NELL1: variants seen among roughly 807,000 people sequenced by gnomAD.
The protein encoded by NELL1 is protein kinase C-binding protein NELL1.
NELL1 carries 76 observed loss-of-function variants against 107.4 expected under a neutral mutation model. The observed-to-expected ratio is 0.71, with a 90% CI of 0.59 to 0.86. The LOEUF (loss-of-function observed/expected upper bound fraction) is 0.86. NELL1 is among the 40% of genes least tolerant of loss of function. The probability of loss-of-function intolerance (pLI) is 0.00; values close to 1 mark genes in which losing one functional copy is unlikely to be tolerated. For missense variants in NELL1, 1,024 were observed against 1,005.5 expected (o/e 1.02, Z -0.25); for synonymous variants, 353 against 341.2 (o/e 1.03, Z -0.38).
chr11:21,465,006 G>A (rs1853991102), intron 15 of NELL1, among the ~76,000 whole-genome samples: 2 of 152,246 alleles, frequency 1.3e-5, no homozygotes, highest in Middle Eastern at 3.4e-3. Flanking sequence ...CAGGTATGAT[G>A]TTATCTTGTA....
At chr11:20,718,237 C>G (rs1443150090) in intron 2 of NELL1, among the ~76,000 whole-genome samples, 1 of 152,152 alleles carries the variant, frequency 6.6e-6, no homozygotes. Context: ...TAGTCACAAG[C>G]CACACGTGGC....
chr11:21,245,684 C>T (rs1336684598), intron 14 of NELL1, among the ~76,000 whole-genome samples: 1 of 152,138 alleles, frequency 6.6e-6, no homozygotes, highest in Non-Finnish European at 1.5e-5. Context: ...TGTCCCAAAG[C>T]TTATCATGTA....
At chr11:20,908,877 C>T (rs979990546) in intron 5 of NELL1, among the ~76,000 whole-genome samples, 2 of 152,100 alleles carry the variant, frequency 1.3e-5, no homozygotes, top group African/African-American at 4.8e-5. Flanking sequence ...ACTTGTATGT[C>T]AGTGTTCACT....
chr11:21,544,073 A>G (rs1189627339), intron 16 of NELL1, among the ~76,000 whole-genome samples: 1 of 152,042 alleles, frequency 6.6e-6, no homozygotes, highest in Non-Finnish European at 1.5e-5. Context: ...AGAAAAAGAA[A>G]AAAACTACAA....
intron 2 of NELL1, among the ~76,000 whole-genome samples, chr11:20,704,053 T>C (rs1854872348): frequency 6.6e-6 from 1 of 150,894 alleles, no homozygotes; most frequent in Non-Finnish European, 1.5e-5. Context: ...AATTCCCGGG[T>C]ATCCTTGTTA....
intron 5 of NELL1, among the ~76,000 whole-genome samples, chr11:20,890,125 G>A (rs1849588548): frequency 6.6e-6 from 1 of 152,030 alleles, no homozygotes; most frequent in Non-Finnish European, 1.5e-5. Flanking sequence ...TGTCGTTCGA[G>A]GTCAGAGGTC....
chr11:21,019,163 C>G (rs542880231), intron 12 of NELL1, among the ~76,000 whole-genome samples: 1 of 152,170 alleles, frequency 6.6e-6, no homozygotes, highest in African/African-American at 2.4e-5. Context: ...TGTTCATGCT[C>G]TTTTAAATGG....
At chr11:21,519,934 A>T (rs574946108) in intron 15 of NELL1, among the ~76,000 whole-genome samples, 1 of 152,288 alleles carries the variant, frequency 6.6e-6, no homozygotes, top group East Asian at 1.9e-4. Flanking sequence ...TCATAAGATG[A>T]CATTGACACC....
At chr11:21,201,416 A>G (rs1161905734) in intron 13 of NELL1, among the ~76,000 whole-genome samples, 1 of 152,066 alleles carries the variant, frequency 6.6e-6, no homozygotes, top group Non-Finnish European at 1.5e-5. Context: ...TTCACTCATG[A>G]TTTGGCTCTC....
At chr11:20,766,303 C>A (rs953827460) in intron 2 of NELL1, among the ~76,000 whole-genome samples, 1 of 152,134 alleles carries the variant, frequency 6.6e-6, no homozygotes, top group Non-Finnish European at 1.5e-5. Flanking sequence ...AAACTGCAGG[C>A]AGGGTGAAAG....
At chr11:21,488,980 TA>T (rs1854718814) in intron 15 of NELL1, among the ~76,000 whole-genome samples, 1 of 151,470 alleles carries the variant, frequency 6.6e-6, no homozygotes, top group Non-Finnish European at 1.5e-5. Flanking sequence ...GACTTAAATA[TA>T]AAGAATCAAT....
At chr11:21,146,509 G>C (rs1855982112) in intron 13 of NELL1, among the ~76,000 whole-genome samples, 1 of 152,176 alleles carries the variant, frequency 6.6e-6, no homozygotes, top group Non-Finnish European at 1.5e-5. Context: ...GGTCGTAAGA[G>C]TGACACCAAA....
intron 15 of NELL1, among the ~76,000 whole-genome samples, chr11:21,404,008 C>CG (rs1012109998): frequency 1.2e-4 from 12 of 99,550 alleles, no homozygotes; most frequent in Non-Finnish European, 2.0e-4. Flanking sequence ...TTCCTGAACC[C>CG]CCCCCCCCGC....
intron 15 of NELL1, 152 bp from the exon 16 acceptor site, chr11:21,534,222 A>G: frequency 1.3e-6 from 1 of 787,976 alleles, no homozygotes; most frequent in Admixed American, 2.5e-5. Context: ...ATTCTGGAAA[A>G]TATGGGATTT....
chr11:20,924,919 A>T (rs1215636689), intron 7 of NELL1, among the ~76,000 whole-genome samples: 1 of 152,176 alleles, frequency 6.6e-6, no homozygotes, highest in African/African-American at 2.4e-5. Context: ...CTCAGAAAAA[A>T]ATTCCAAAAA....
chr11:20,834,587 C>T (rs571525969), intron 3 of NELL1, among the ~76,000 whole-genome samples: 1 of 151,948 alleles, frequency 6.6e-6, no homozygotes, highest in South Asian at 2.1e-4. Flanking sequence ...CCTGTAGTCC[C>T]AGCTACTAGG....
chr11:21,307,566 T>C (rs1234015348), intron 14 of NELL1, among the ~76,000 whole-genome samples: 1 of 152,012 alleles, frequency 6.6e-6, no homozygotes, highest in East Asian at 1.9e-4. Context: ...CATGGTTTCT[T>C]TCTGGATTTT....
chr11:20,707,185 T>C (rs1854986509), intron 2 of NELL1, among the ~76,000 whole-genome samples: 1 of 152,240 alleles, frequency 6.6e-6, no homozygotes, highest in East Asian at 1.9e-4. Flanking sequence ...TGTCACGTAG[T>C]TCTCCTGCCA....
At chr11:21,326,372 G>T (rs10833505) in intron 14 of NELL1, among the ~76,000 whole-genome samples, 79,430 of 151,306 alleles carry the variant, frequency 0.52, 21,344 homozygotes, top group East Asian at 0.62. Context: ...TCAAATAATA[G>T]GATTTTTGTT....
Sources: gnomAD v4.1 joint callset for allele counts (sites outside exome capture counted in the v4.1 genomes callset) on GRCh38, gnomAD v4.1.1 for gene constraint, MANE v1.5 for transcripts, NCBI Gene and HGNC (gene_info 2026-07-23, HGNC 2026-07-21) for gene names.